Variants in EPS8L3 observed in about 807,000 individuals in gnomAD.
The protein encoded by EPS8L3 is epidermal growth factor receptor kinase substrate 8-like protein 3.
Under a neutral mutation model 88.5 loss-of-function variants are expected in EPS8L3, and 80 were observed. That is an observed-to-expected ratio of 0.90 (90% CI 0.75 to 1.09). The LOEUF (loss-of-function observed/expected upper bound fraction) is 1.09, where lower values mean the gene tolerates loss of function less well. Among genes scored for constraint, EPS8L3 ranks in the 50% least tolerant of loss-of-function variants. The pLI is 0.00. For missense variants in EPS8L3, 721 were observed against 735.2 expected, an observed-to-expected ratio of 0.98 and a Z score of 0.22; for synonymous variants, 286 against 291.0, an observed-to-expected ratio of 0.98 and a Z score of 0.18.
At chr1:109,752,875 A>G (rs867782006) in intron 13 of EPS8L3, among the ~76,000 whole-genome samples, 155 bp from the exon 14 acceptor site, 3 of 151,996 alleles carry the variant, frequency 2.0e-5, no homozygotes, top group Middle Eastern at 3.2e-3. Context: ...AGGTACCCAC[A>G]TGCACCCACC....
rs201777729 is a variant in EPS8L3 at position 109,758,478 on chromosome 1, T to G, written c.601+46A>C. On this transcript the variant is annotated intron_variant, in intron 7 of 18. Coordinates refer to ENST00000361965, the MANE Select transcript of EPS8L3 (RefSeq NM_133181.4). ...GACCTAGATCTTAGATCTTTGACTTTTCATCGAAACCCTCTCCTTCACCTG... is the reference window on the plus strand; with the variant it reads ...GACCTAGATCTTAGATCTTTGACTTGTCATCGAAACCCTCTCCTTCACCTG... 1.5e-4 allele frequency: 240 copies of G among 1,562,386 alleles called. 2 individuals carry two copies. The East Asian group carries it at 4.1e-3, about 27-fold the overall frequency.
intron 14 of EPS8L3, 74 bp downstream of exon 14, chr1:109,752,612 G>C (rs957298421): frequency 7.3e-7 from 1 of 1,372,664 alleles, no homozygotes; most frequent in African/African-American, 1.4e-5. Flanking sequence ...GATGTAGAGA[G>C]CCAGAGATCC....
chr1:109,750,341 G>T lies in EPS8L3; in HGVS notation c.*50C>A. 2 of 1,610,274 alleles carry T rather than the reference G, an allele frequency of 1.2e-6. No individual in the cohort carries two copies. The highest frequency in any genetic ancestry group is 1.7e-6 in the Non-Finnish European group (2 of 1,177,484). On this transcript the variant is annotated 3_prime_UTR_variant, in exon 19 of 19. Transcript: ENST00000361965. ...CGGGGCTCTAATGGGTATCAGATCT[G>T]CCATCTTGCATCAGCGGGGCCTGGT...
At chr1:109,757,591 A>T (rs1245699555) in intron 10 of EPS8L3, 36 bp from the exon 11 acceptor site, 3 of 1,577,594 alleles carry the variant, frequency 1.9e-6, no homozygotes, top group Non-Finnish European at 2.6e-6. Context: ...ACCACCCTTC[A>T]CCCCACCCCA....
At chr1:109,762,494 C>T (rs1250714469) in intron 1 of EPS8L3, among the ~76,000 whole-genome samples, 2 of 152,190 alleles carry the variant, frequency 1.3e-5, no homozygotes, top group Middle Eastern at 3.2e-3. Context: ...AGGGTACCCT[C>T]CTAATGCTGC....
At chr1:109,758,266 T>C in intron 8 of EPS8L3, 50 bp downstream of exon 8, 1 of 1,548,592 alleles carries the variant, frequency 6.5e-7, no homozygotes, top group Non-Finnish European at 8.9e-7. Flanking sequence ...GTGTCCTTCC[T>C]TTTCCCAGGC....
At chr1:109,761,433 G>T in intron 3 of EPS8L3, 62 bp downstream of exon 3, 1 of 1,451,264 alleles carries the variant, frequency 6.9e-7, no homozygotes, top group Non-Finnish European at 9.5e-7. Context: ...TGGCAGGGCG[G>T]TGGGCACATG....
At chr1:109,752,247 T>A in intron 14 of EPS8L3, 54 bp from the exon 15 acceptor site, 2 of 1,532,066 alleles carry the variant, frequency 1.3e-6, no homozygotes, top group Non-Finnish European at 1.8e-6. Flanking sequence ...ATTAAGCCTA[T>A]GTCCCAGCCC....
chr1:109,761,996 G>C (rs1006248511), intron 1 of EPS8L3, among the ~76,000 whole-genome samples: 1 of 152,138 alleles, frequency 6.6e-6, no homozygotes, highest in Admixed American at 6.5e-5. Flanking sequence ...AGGGAAGGGA[G>C]GGTCAGGGAG....
Position 109,753,112 on chromosome 1 carries a change from C to T in EPS8L3, c.1200+5G>A. On this transcript the variant is annotated splice_donor_5th_base_variant and intron_variant, in intron 13 of 18. Transcript: ENST00000361965. ...GGGTAGGGCTCTATGCCAAGCTCCC[C>T]TTACTTGGCTGGAGGGCTCTGGAAG... 1 of 1,612,212 alleles carries T rather than the reference C, an allele frequency of 6.2e-7. No individual in the cohort carries two copies. Among genetic ancestry groups the T allele is most frequent in the South Asian group, 1.1e-5 (1 of 90,892 alleles).
At chr1:109,752,621 C>G (rs1649909079) in intron 14 of EPS8L3, 65 bp downstream of exon 14, 2 of 1,439,854 alleles carry the variant, frequency 1.4e-6, no homozygotes, top group Non-Finnish European at 1.9e-6. Flanking sequence ...AGCCAGAGAT[C>G]CAAAGGAACA....
In EPS8L3 at chr1:109,752,161, T is replaced by C; in HGVS notation, c.1268A>G (p.His423Arg). 1 of 1,613,912 alleles carries C rather than the reference T, an allele frequency of 6.2e-7. No individual in the cohort carries two copies. Among genetic ancestry groups the C allele is most frequent in the Non-Finnish European group, 8.5e-7 (1 of 1,179,952 alleles). Residue 423 changes from histidine (H) to arginine (R), a missense_variant, in exon 15 of 19, where the codon CAC becomes CGC. By Grantham distance (29) the His-to-Arg change is conservative (BLOSUM62 0). Coordinates refer to ENST00000361965, the MANE Select transcript of EPS8L3 (RefSeq NM_133181.4). ...RGSHRLGSTS[H>R]FPQEKTHNHD... The stretch of plus-strand genomic sequence containing the variant: ...GTTGTGTGTCTTCTCCTGAGGAAAG[T>C]GTGAGGTGCTCCCTAACCTATGACT...
At position 109,757,811 on chromosome 1, in the gene EPS8L3, G is replaced by A; in HGVS notation, c.885C>T (p.Phe295=). The A allele has an allele frequency of 6.2e-7, 1 of 1,614,108 alleles. No homozygotes were observed. Among genetic ancestry groups the A allele is most frequent in the Non-Finnish European group, 8.5e-7 (1 of 1,179,968 alleles). The change falls in exon 10 of 19, where the codon TTC becomes TTT. Residue 295 remains phenylalanine (F), a synonymous_variant. Coordinates refer to ENST00000361965, the MANE Select transcript of EPS8L3 (RefSeq NM_133181.4). ...IDCFQKIKHS[F]NLLGRLATWL... ...GTGGGGAGCCACCTACCAGGAGGTTGAAGCTGTGCTTGATCTTCTGGAAGC... is the reference window on the plus strand; with the variant it reads ...GTGGGGAGCCACCTACCAGGAGGTTAAAGCTGTGCTTGATCTTCTGGAAGC...
In EPS8L3 at chr1:109,757,124, C is replaced by A. The variant is rs766239761; in HGVS notation, c.1011G>T (p.Val337=). The A allele has an allele frequency of 5.0e-6, 8 of 1,613,834 alleles. No individual in the cohort carries two copies. The East Asian group carries it at 1.8e-4, about 36-fold the overall frequency. Residue 337 remains valine, a synonymous_variant, in exon 12 of 19, where the codon GTG becomes GTT. Coordinates refer to ENST00000361965, the MANE Select transcript of EPS8L3 (RefSeq NM_133181.4). ...CTTTAGGGGTGAGGAGGGGTGAGAT[C>A]ACTTGGGCTGCTAGGCCAGCCTCAG... is the stretch of plus-strand genomic sequence containing the variant. The part of the protein sequence containing the change: ...RCPEAGLAAQ[V]ISPLLTPKAI...
chr1:109,758,095 T>C, intron 8 of EPS8L3, 37 bp from the exon 9 acceptor site: 1 of 1,582,784 alleles, frequency 6.3e-7, no homozygotes, highest in Non-Finnish European at 8.7e-7. Flanking sequence ...GAACGGGCAG[T>C]TGGGCCCACC....
In EPS8L3 at chr1:109,759,044, T is replaced by C. The variant is rs1205996678; in HGVS notation, c.461+18A>G. ...GAGCTGGGAGGCCCCATAGGTGGGC[T>C]GGGCAGAGGCTGCCTACCTTTGCTC... On this transcript the variant is annotated intron_variant, in intron 6 of 18. Transcript: ENST00000361965. This position sits in a 1 kb window ranked among gnomAD's most constrained non-coding sequence, Gnocchi z 4.2. The C allele has an allele frequency of 3.1e-6, 5 of 1,588,006 alleles. No individual in the cohort carries two copies. The highest frequency in any genetic ancestry group is 4.3e-6 in the Non-Finnish European group (5 of 1,167,636).
At chr1:109,750,884 GGTT>G in intron 17 of EPS8L3, 92 bp from the exon 18 acceptor site, 1 of 1,499,036 alleles carries the variant, frequency 6.7e-7, no homozygotes, top group Non-Finnish European at 9.1e-7. Context: ...TGGGCTCGGA[GGTT>G]GGGGTTACAG....
intron 16 of EPS8L3, 105 bp downstream of exon 16, chr1:109,751,549 G>A (rs1433654628): frequency 1.9e-6 from 3 of 1,543,378 alleles, no homozygotes; most frequent in Non-Finnish European, 2.7e-6. Context: ...CAATAATACG[G>A]TCCGAATCAA....
Position 109,758,328 on chromosome 1 carries a change from T to A in EPS8L3, c.705A>T (p.Pro235=). 1 of 1,613,518 alleles carries A rather than the reference T, an allele frequency of 6.2e-7. No homozygotes were observed. The highest frequency in any genetic ancestry group is 8.5e-7 in the Non-Finnish European group (1 of 1,179,720). The change falls in exon 8 of 19, where the codon CCA becomes CCT. Residue 235 remains proline, a synonymous_variant. Transcript: ENST00000361965. ...PPRRSSSPED[P]ERDEEVLNHV... is the part of the protein sequence containing the mutation. ...CATCCGCAGTTACCTCGTCCCTCTC[T>A]GGGTCCTCGGGGGAAGAGGACCGCC...
Sources: gnomAD v4.1 joint callset for allele counts (sites outside exome capture counted in the v4.1 genomes callset) on GRCh38, gnomAD v4.1.1 for gene constraint, Gnocchi (gnomAD v3.1) non-coding constraint, MANE v1.5 for transcripts, NCBI Gene and HGNC (gene_info 2026-07-23, HGNC 2026-07-21) for gene names.